The following ADAMTS2 variants were observed in gnomAD, a reference collection of about 807,000 sequenced individuals.
ADAMTS2 encodes A disintegrin and metalloproteinase with thrombospondin motifs 2.
Under a neutral mutation model 123.0 loss-of-function variants are expected in ADAMTS2, and 50 were observed. The ratio of observed to expected loss-of-function variants is 0.41; its 90% CI spans 0.32 to 0.51. The LOEUF is 0.51. Ranked by LOEUF, ADAMTS2 falls within the 20% of genes least tolerant of loss-of-function variation. The pLI is 0.35. For missense variants in ADAMTS2, 1,494 were observed against 1,705.2 expected (o/e 0.88, Z 2.18); for synonymous variants, 678 against 695.4 (o/e 0.98, Z 0.39).
At chr5:179,264,068 C>A (rs1188511156) in intron 3 of ADAMTS2, among the ~76,000 whole-genome samples, 2 of 152,160 alleles carry the variant, frequency 1.3e-5, no homozygotes, top group African/African-American at 4.8e-5. Context: ...AGTTTCTGAG[C>A]CAGGCCTGTC....
intron 12 of ADAMTS2, among the ~76,000 whole-genome samples, chr5:179,136,320 G>A (rs1363426401): frequency 6.6e-6 from 1 of 152,144 alleles, no homozygotes; most frequent in Non-Finnish European, 1.5e-5. Flanking sequence ...CCGAGGCCCC[G>A]CTTGGAGACC....
At chr5:179,150,599 A>G (rs1326834694) in intron 10 of ADAMTS2, among the ~76,000 whole-genome samples, 3 of 152,220 alleles carry the variant, frequency 2.0e-5, no homozygotes, top group African/African-American at 4.8e-5. Context: ...ATCGAGAGAA[A>G]TGGAATGTGG....
intron 2 of ADAMTS2, among the ~76,000 whole-genome samples, chr5:179,280,300 G>C (rs921035674): frequency 1.3e-5 from 2 of 152,176 alleles, no homozygotes; most frequent in East Asian, 1.9e-4. Context: ...AGGGCAGGGT[G>C]GGGGGCGAGG....
chr5:179,235,246 G>C (rs1214772315), intron 3 of ADAMTS2, among the ~76,000 whole-genome samples: 1 of 152,218 alleles, frequency 6.6e-6, no homozygotes, highest in African/African-American at 2.4e-5. Flanking sequence ...GTAAAATCAT[G>C]CATCAGATTC....
intron 3 of ADAMTS2, among the ~76,000 whole-genome samples, chr5:179,230,548 T>A (rs1248013252): frequency 6.6e-6 from 1 of 152,240 alleles, no homozygotes; most frequent in East Asian, 1.9e-4. Context: ...TTGGGGATAC[T>A]TGGGTCCAGT....
intron 5 of ADAMTS2, among the ~76,000 whole-genome samples, chr5:179,161,536 G>A (rs1229485846): frequency 6.6e-6 from 1 of 152,196 alleles, no homozygotes; most frequent in African/African-American, 2.4e-5. Context: ...GAGAGTGGGG[G>A]GCAGCGGGCT....
intron 2 of ADAMTS2, among the ~76,000 whole-genome samples, chr5:179,288,471 C>T (rs1489244658): frequency 6.6e-6 from 1 of 152,228 alleles, no homozygotes; most frequent in East Asian, 1.9e-4. Flanking sequence ...TGGGCTGTGG[C>T]CAGGCTGCTC....
At chr5:179,186,329 C>T (rs1371393142) in intron 4 of ADAMTS2, among the ~76,000 whole-genome samples, 1 of 152,182 alleles carries the variant, frequency 6.6e-6, no homozygotes, top group African/African-American at 2.4e-5. Flanking sequence ...AGTCCGGGGC[C>T]GGGCTCCTTC....
At chr5:179,280,998 C>T (rs902195315) in intron 2 of ADAMTS2, among the ~76,000 whole-genome samples, 1 of 152,152 alleles carries the variant, frequency 6.6e-6, no homozygotes, top group African/African-American at 2.4e-5. Flanking sequence ...ACTGGGATTA[C>T]TGGTACACAC....
At chr5:179,207,486 C>T in intron 4 of ADAMTS2, 27 bp downstream of exon 4, 1 of 1,188,812 alleles carries the variant, frequency 8.4e-7, no homozygotes, top group Non-Finnish European at 1.2e-6. Context: ...CCCCGCCCCA[C>T]CCTGCCCCCT....
chr5:179,318,550 G>A (rs991632141), intron 2 of ADAMTS2, among the ~76,000 whole-genome samples: 1 of 152,222 alleles, frequency 6.6e-6, no homozygotes, highest in Non-Finnish European at 1.5e-5. Flanking sequence ...AGCACACGCA[G>A]AGGGTGCTCC....
chr5:179,153,469 G>T, intron 9 of ADAMTS2, 22 bp downstream of exon 9: 1 of 1,605,306 alleles, frequency 6.2e-7, no homozygotes, highest in South Asian at 1.1e-5. Flanking sequence ...GGAGGGTCCC[G>T]GCTGCAGGGC....
intron 19 of ADAMTS2, among the ~76,000 whole-genome samples, chr5:179,123,010 C>T (rs1032113761): frequency 3.3e-5 from 5 of 152,230 alleles, no homozygotes; most frequent in Admixed American, 2.0e-4. Context: ...TGAGACAGTG[C>T]CCATATACAG....
chr5:179,209,963 G>A (rs559082903), intron 3 of ADAMTS2, among the ~76,000 whole-genome samples: 4 of 152,304 alleles, frequency 2.6e-5, no homozygotes, highest in East Asian at 3.9e-4. Context: ...ACACACGGGC[G>A]GTGCCCTCGG....
At chr5:179,121,435 C>T in intron 21 of ADAMTS2, 1 of 392,320 alleles carries the variant, frequency 2.5e-6, no homozygotes, top group Non-Finnish European at 4.5e-6. Context: ...CAAGCCATCA[C>T]CAACCAGGTT....
intron 3 of ADAMTS2, among the ~76,000 whole-genome samples, chr5:179,231,763 G>T (rs981403238): frequency 6.6e-6 from 1 of 151,848 alleles, no homozygotes; most frequent in Non-Finnish European, 1.5e-5. Context: ...AGTGAATAGT[G>T]AAGTCAGCAG....
At chr5:179,263,683 C>T (rs975063149) in intron 3 of ADAMTS2, among the ~76,000 whole-genome samples, 23 of 152,246 alleles carry the variant, frequency 1.5e-4, no homozygotes, top group Non-Finnish European at 1.9e-4. Context: ...CTCTGAGAGA[C>T]ATCCCAGCCG....
intron 3 of ADAMTS2, among the ~76,000 whole-genome samples, chr5:179,208,747 G>A (rs920600035): frequency 6.6e-5 from 10 of 152,050 alleles, no homozygotes; most frequent in Non-Finnish European, 1.5e-4. Context: ...AAGCCCCAGT[G>A]TCCTGGAAGC....
In ADAMTS2 at chr5:179,126,340, T is replaced by C. The variant is rs6601018; in HGVS notation, c.2618-210A>G. Among the ~76,000 whole-genome samples, 100,854 of 152,028 alleles carry C rather than the reference T, an allele frequency of 0.66. 33,666 individuals carry two copies. Among genetic ancestry groups the C allele is most frequent in the African/African-American group, 0.74 (30,915 of 41,506 alleles). On this transcript the variant is annotated intron_variant, in intron 17 of 21. Transcript: ENST00000251582. ...AGGGGCGAGAGGGCAGGAGAGGCCA[T>C]TTTCTCCCCTAGGCTGCCTCTCCCT...
Sources: gnomAD v4.1 joint callset for allele counts (sites outside exome capture counted in the v4.1 genomes callset) on GRCh38, gnomAD v4.1.1 for gene constraint, MANE v1.5 for transcripts, NCBI Gene and HGNC (gene_info 2026-07-23, HGNC 2026-07-21) for gene names.